RAPH1: variants seen among roughly 807,000 people sequenced by gnomAD.
The protein encoded by RAPH1 is ras-associated and pleckstrin homology domains-containing protein 1.
In RAPH1, 18 loss-of-function variants were observed where a neutral mutation model predicts 88.1. That is an observed-to-expected ratio of 0.20 (90% CI 0.14 to 0.30). The LOEUF is 0.30. RAPH1 is among the 10% of genes least tolerant of loss of function. The pLI, the probability that RAPH1 is intolerant of heterozygous loss-of-function variation, is 1.00. For synonymous variants in RAPH1, 587 were observed against 559.0 expected, an observed-to-expected ratio of 1.05 and a Z score of -0.71; for missense variants, 1,448 against 1,543.2, an observed-to-expected ratio of 0.94 and a Z score of 1.03.
intron 1 of RAPH1, among the ~76,000 whole-genome samples, chr2:203,530,618 G>A (rs1415235011): frequency 1.3e-5 from 2 of 152,182 alleles, no homozygotes; most frequent in East Asian, 3.8e-4. Flanking sequence ...TAGGCCAAGC[G>A]TGATGGCTCA....
chr2:203,513,532 CAAAAAAA>C (rs34083519), intron 1 of RAPH1, among the ~76,000 whole-genome samples: 4 of 41,946 alleles, frequency 9.5e-5, no homozygotes, highest in East Asian at 1.6e-3. Context: ...GACTCTATTT[CAAAAAAA>C]AAAAAAAAAA....
intron 1 of RAPH1, among the ~76,000 whole-genome samples, chr2:203,509,753 T>C (rs1267309788): frequency 1.3e-5 from 2 of 152,246 alleles, no homozygotes; most frequent in East Asian, 1.9e-4. Context: ...TGTGAGGTGA[T>C]TGGATCATGG....
intron 4 of RAPH1, among the ~76,000 whole-genome samples, chr2:203,486,899 T>C (rs982188944): frequency 3.3e-5 from 5 of 152,204 alleles, no homozygotes; most frequent in Non-Finnish European, 7.3e-5. Flanking sequence ...TTAACTCCTT[T>C]CCCTGCTATA....
At chr2:203,441,806 T>C (rs1172602571) in intron 13 of RAPH1, 13 of 1,289,156 alleles carry the variant, frequency 1.0e-5, no homozygotes, top group Middle Eastern at 2.9e-4. Flanking sequence ...AGGGGAGATG[T>C]GATGGCTCCA....
At chr2:203,525,747 A>C (rs911755743) in intron 1 of RAPH1, among the ~76,000 whole-genome samples, 1 of 152,172 alleles carries the variant, frequency 6.6e-6, no homozygotes, top group African/African-American at 2.4e-5. Flanking sequence ...ACTGCACTCC[A>C]GCCTGGGCAA....
Position 203,486,937 on chromosome 2 carries a change from T to C in RAPH1, c.732+2647A>G, listed in dbSNP as rs114762807. Reference sequence around the variant, plus strand: ...CCTGGTTTACTCACCAAACCTTACATTAAACTCTTATATTAAACATTATAC... The same window carrying C: ...CCTGGTTTACTCACCAAACCTTACACTAAACTCTTATATTAAACATTATAC... On this transcript the variant is annotated intron_variant, in intron 4 of 13. Transcript: ENST00000319170. Among the ~76,000 whole-genome samples the C allele has an allele frequency of 4.5e-3, 678 of 152,284 alleles. 3 individuals carry two copies. Among genetic ancestry groups the C allele is most frequent in the African/African-American group, 0.016 (645 of 41,560 alleles).
At chr2:203,505,963 A>T (rs1265323045) in intron 1 of RAPH1, among the ~76,000 whole-genome samples, 1 of 152,192 alleles carries the variant, frequency 6.6e-6, no homozygotes, top group African/African-American at 2.4e-5. Context: ...CTCCAGCCTC[A>T]ACTAGAAGTA....
At chr2:203,477,271 CAAAAT>C (rs1163161045) in intron 4 of RAPH1, 17 of 759,602 alleles carry the variant, frequency 2.2e-5, no homozygotes, top group Non-Finnish European at 3.8e-5. Flanking sequence ...AGTAATGAAA[CAAAAT>C]AGTAATGAAA....
intron 4 of RAPH1, among the ~76,000 whole-genome samples, chr2:203,464,041 A>T (rs1445693362): frequency 6.6e-6 from 1 of 152,214 alleles, no homozygotes; most frequent in Non-Finnish European, 1.5e-5. Flanking sequence ...ATTTAGGGGA[A>T]GAGAAAGAAG....
Position 203,440,703 on chromosome 2 carries a change from A to C in RAPH1, c.2487T>G (p.Pro829=), listed in dbSNP as rs1343667755. 1.5e-6 allele frequency: 2 copies of C among 1,362,066 alleles called. No homozygotes were observed. Among genetic ancestry groups the C allele is most frequent in the East Asian group, 2.9e-5 (1 of 34,832 alleles). 84.4% of individuals were successfully genotyped at this position (1,362,066 alleles called of 1,614,324 possible). A position where few individuals can be genotyped will look rare whatever the true frequency, so the allele number is the denominator to read the frequency against. Reference sequence around the variant, plus strand: ...GCGGGGGTACTGGAACAGGAGGGGTAGGGGGAGAGGGTGGAATGTAAGAAG... The same window carrying C: ...GCGGGGGTACTGGAACAGGAGGGGTCGGGGGAGAGGGTGGAATGTAAGAAG... ...FPASYIPPSP[P]TPPVPVPPPT... is the part of the protein sequence containing the mutation. The change falls in exon 14 of 14, where the codon CCT becomes CCG. Residue 829 remains proline, a synonymous_variant. Transcript: ENST00000319170.
intron 2 of RAPH1, 182 bp downstream of exon 2, chr2:203,495,052 A>G: frequency 1.8e-6 from 1 of 556,774 alleles, no homozygotes; most frequent in Non-Finnish European, 3.0e-6. Context: ...CCTTAAAATA[A>G]CCATAGATTC....
intron 4 of RAPH1, among the ~76,000 whole-genome samples, chr2:203,470,838 C>T (rs570939492): frequency 7.2e-5 from 11 of 152,066 alleles, no homozygotes; most frequent in Non-Finnish European, 1.6e-4. Flanking sequence ...AATATTTTGC[C>T]TAATGGACAC....
chr2:203,491,139 G>A (rs895083734), intron 3 of RAPH1, 75 bp downstream of exon 3: 2 of 806,610 alleles, frequency 2.5e-6, no homozygotes, highest in East Asian at 5.4e-5. Flanking sequence ...TTTATATTGG[G>A]AATTGCAGTT....
intron 4 of RAPH1, among the ~76,000 whole-genome samples, chr2:203,467,229 TCCATACTGGAGGGCTCTGCATTCCC>T (rs2098529223): frequency 6.6e-6 from 1 of 152,118 alleles, no homozygotes; most frequent in South Asian, 2.1e-4. Context: ...CATTTGACCC[TCCATACTGGAGGGCTCTGCATTCCC>T]AACCAAACTC....
intron 1 of RAPH1, among the ~76,000 whole-genome samples, chr2:203,511,965 T>C (rs1689358516): frequency 6.6e-6 from 1 of 151,766 alleles, no homozygotes; most frequent in Non-Finnish European, 1.5e-5. Context: ...CAAAAAAAAT[T>C]AGCTGGGTGT....
At chr2:203,442,245 G>T in intron 13 of RAPH1, 1 of 600,902 alleles carries the variant, frequency 1.7e-6, no homozygotes, top group Non-Finnish European at 2.8e-6. Flanking sequence ...AACCCATCTG[G>T]GTAGCTGAAA....
chr2:203,503,036 C>T (rs917448393), intron 1 of RAPH1, among the ~76,000 whole-genome samples: 2 of 151,820 alleles, frequency 1.3e-5, no homozygotes, highest in Non-Finnish European at 2.9e-5. Context: ...CCCAGCTACT[C>T]GGGAGGCTGA....
intron 6 of RAPH1, among the ~76,000 whole-genome samples, chr2:203,460,974 G>C (rs1056518934): frequency 5.3e-5 from 8 of 151,870 alleles, no homozygotes; most frequent in African/African-American, 1.9e-4. Flanking sequence ...ATATTAGCCA[G>C]GCGTGGTGGT....
At chr2:203,506,861 T>TAG (rs1689088908) in intron 1 of RAPH1, among the ~76,000 whole-genome samples, 1 of 87,238 alleles carries the variant, frequency 1.1e-5, no homozygotes, top group Non-Finnish European at 2.2e-5. Flanking sequence ...TATATCTATA[T>TAG]ATATATATAT....
Sources: allele counts gnomAD v4.1 joint callset (sites outside exome capture counted in the v4.1 genomes callset), GRCh38; gene constraint gnomAD v4.1.1; transcripts MANE v1.5; gene names NCBI Gene and HGNC (gene_info 2026-07-23, HGNC 2026-07-21).